The following TMED3 variants were observed in gnomAD, a reference collection of about 807,000 sequenced individuals.
TMED3 encodes transmembrane p24 trafficking protein 3, also known as transmembrane emp24 domain-containing protein 3.
TMED3 carries 9 observed loss-of-function variants against 15.0 expected under a neutral mutation model. The observed-to-expected ratio is 0.60, with a 90% CI of 0.36 to 1.04. The LOEUF is 1.04. TMED3 is among the 50% of genes least tolerant of loss of function. The pLI is 0.01. For missense variants in TMED3, 267 were observed against 278.9 expected, an observed-to-expected ratio of 0.96 and a Z score of 0.30; for synonymous variants, 117 against 121.4, an observed-to-expected ratio of 0.96 and a Z score of 0.24.
intron 2 of TMED3, among the ~76,000 whole-genome samples, chr15:79,401,248 A>G (rs1893829843): frequency 6.6e-6 from 1 of 152,220 alleles, no homozygotes; most frequent in South Asian, 2.1e-4. Context: ...GCTAGTATTA[A>G]TGTGTCATTT....
intron 2 of TMED3, among the ~76,000 whole-genome samples, chr15:79,386,931 A>T: frequency 1.4e-5 from 2 of 142,704 alleles, no homozygotes; most frequent in East Asian, 2.1e-4. Context: ...TTAATCTTTT[A>T]ATCTTTTTTT....
At chr15:79,329,174 G>A (rs12438018) in intron 2 of TMED3, among the ~76,000 whole-genome samples, 27,419 of 152,142 alleles carry the variant, frequency 0.18, 2,459 homozygotes, top group Admixed American at 0.24. Flanking sequence ...TCTCTGTCCA[G>A]GGGTTCCCTT....
intron 2 of TMED3, among the ~76,000 whole-genome samples, chr15:79,329,450 C>A (rs918061342): frequency 6.6e-6 from 1 of 152,260 alleles, no homozygotes; most frequent in African/African-American, 2.4e-5. Context: ...GCGCATAACT[C>A]CACTTGTTAA....
chr15:79,361,810 A>G (rs1314700668), intron 2 of TMED3, among the ~76,000 whole-genome samples: 2 of 152,206 alleles, frequency 1.3e-5, no homozygotes, highest in African/African-American at 4.8e-5. Context: ...ATGTCAAGAG[A>G]ATCAAGTAAG....
chr15:79,311,477 A>G, intron 1 of TMED3, 60 bp downstream of exon 1: 2 of 1,534,484 alleles, frequency 1.3e-6, no homozygotes, highest in Non-Finnish European at 1.8e-6. Flanking sequence ...TCACCTGGAC[A>G]CTGGCTAGCC....
At position 79,322,039 on chromosome 15, in the gene TMED3, A is replaced by G. The variant is rs576317238; in HGVS notation, c.479A>G (p.His160Arg). ...ALKTVIDSQT[H>R]YRLREAQDRA... ...AAAACGGTGATTGACTCCCAGACGCATTACCGGCTGCGGGAGGCCCAGGAC... is the reference window on the plus strand; with the variant it reads ...AAAACGGTGATTGACTCCCAGACGCGTTACCGGCTGCGGGAGGCCCAGGAC... The change falls in exon 3 of 3, where the codon CAT becomes CGT. Residue 160 changes from histidine (H) to arginine (R), a missense_variant. Transcript: ENST00000299705. The G allele has an allele frequency of 1.4e-5, 23 of 1,614,216 alleles. No individual in the cohort carries two copies. Among genetic ancestry groups the G allele is most frequent in the Non-Finnish European group, 1.9e-5 (22 of 1,180,042 alleles).
intron 2 of TMED3, among the ~76,000 whole-genome samples, chr15:79,352,377 A>G (rs1163564512): frequency 3.9e-5 from 6 of 152,094 alleles, no homozygotes; most frequent in Non-Finnish European, 7.4e-5. Flanking sequence ...AGCTCATGTC[A>G]TGAGTCCATG....
At chr15:79,326,510 C>T (rs2058788130), downstream of TMED3, among the ~76,000 whole-genome samples, 1 of 152,150 alleles carries the variant, frequency 6.6e-6, no homozygotes, top group Non-Finnish European at 1.5e-5. Flanking sequence ...ATGGGAACAA[C>T]TTTTAGCTAT....
At chr15:79,353,255 A>T (rs58174022) in intron 2 of TMED3, among the ~76,000 whole-genome samples, 26 of 43,198 alleles carry the variant, frequency 6.0e-4, no homozygotes, top group East Asian at 1.1e-3. Context: ...ACTATATATA[A>T]TATATATTAT....
At chr15:79,381,462 C>T (rs1893535139) in intron 2 of TMED3, among the ~76,000 whole-genome samples, 1 of 152,222 alleles carries the variant, frequency 6.6e-6, no homozygotes, top group Non-Finnish European at 1.5e-5. Flanking sequence ...AAAAGGTCCT[C>T]TGGAGCGGTA....
At chr15:79,406,689 T>C (rs1893907618) in intron 2 of TMED3, among the ~76,000 whole-genome samples, 1 of 152,200 alleles carries the variant, frequency 6.6e-6, no homozygotes, top group South Asian at 2.1e-4. Context: ...GCAGTTAACA[T>C]TGACCTTTGC....
intron 2 of TMED3, among the ~76,000 whole-genome samples, chr15:79,381,874 G>T (rs772432209): frequency 6.6e-6 from 1 of 152,112 alleles, no homozygotes; most frequent in Non-Finnish European, 1.5e-5. Context: ...AGCTCACTGG[G>T]GTCTTAATGC....
intron 2 of TMED3, among the ~76,000 whole-genome samples, chr15:79,410,295 C>T (rs1049851455): frequency 2.6e-5 from 4 of 152,092 alleles, no homozygotes; most frequent in Non-Finnish European, 5.9e-5. Context: ...CAAAGCAACC[C>T]ATTCTAATTC....
At chr15:79,385,232 A>C (rs1893609401) in intron 2 of TMED3, among the ~76,000 whole-genome samples, 1 of 152,194 alleles carries the variant, frequency 6.6e-6, no homozygotes, top group Non-Finnish European at 1.5e-5. Flanking sequence ...CTGCTCAGGC[A>C]TGCACAGAGA....
At chr15:79,312,885 G>A (rs889004492) in intron 1 of TMED3, among the ~76,000 whole-genome samples, 1 of 152,134 alleles carries the variant, frequency 6.6e-6, no homozygotes, top group African/African-American at 2.4e-5. Flanking sequence ...TCTGTTATTG[G>A]AACGGAGAAG....
intron 2 of TMED3, among the ~76,000 whole-genome samples, chr15:79,382,308 TTCCTGGAAGGAAC>T (rs1187243335): frequency 2.0e-5 from 3 of 152,358 alleles, no homozygotes; most frequent in Non-Finnish European, 4.4e-5. Flanking sequence ...GCAGGCATTA[TTCCTGGAAGGAAC>T]TTTCTAGGGA....
intron 2 of TMED3, among the ~76,000 whole-genome samples, chr15:79,334,684 A>G (rs2058821104): frequency 6.6e-6 from 1 of 152,226 alleles, no homozygotes; most frequent in South Asian, 2.1e-4. Flanking sequence ...CAAGACCAGG[A>G]TCACGGCAAA....
chr15:79,379,061 A>T (rs1248060956), intron 2 of TMED3, among the ~76,000 whole-genome samples: 1 of 152,204 alleles, frequency 6.6e-6, no homozygotes, highest in East Asian at 1.9e-4. Flanking sequence ...TCATAAAGTG[A>T]TTTCTTATTT....
chr15:79,360,171 C>T (rs1893097360), intron 2 of TMED3, among the ~76,000 whole-genome samples: 1 of 152,106 alleles, frequency 6.6e-6, no homozygotes. Flanking sequence ...AGGAGCATGC[C>T]ACAGAGTGCA....
Sources: allele counts gnomAD v4.1 joint callset (sites outside exome capture counted in the v4.1 genomes callset), GRCh38; gene constraint gnomAD v4.1.1; transcripts MANE v1.5; gene names NCBI Gene and HGNC (gene_info 2026-07-23, HGNC 2026-07-21).